SMARCA4: variants seen among roughly 807,000 people sequenced by gnomAD.
SMARCA4 encodes SWI/SNF-related matrix-associated actin-dependent regulator of chromatin subfamily A member 4.
In SMARCA4, 31 loss-of-function variants were observed where a neutral mutation model predicts 193.9. The ratio of observed to expected loss-of-function variants is 0.16; its 90% CI spans 0.12 to 0.22. The LOEUF (loss-of-function observed/expected upper bound fraction) is 0.22, where lower values mean the gene tolerates loss of function less well. Among genes scored for constraint, SMARCA4 ranks in the 10% least tolerant of loss-of-function variants. SMARCA4 has a pLI of 1.00. For synonymous variants in SMARCA4, 942 were observed against 933.1 expected, an observed-to-expected ratio of 1.01 and a Z score of -0.17; for missense variants, 1,148 against 2,296.0, an observed-to-expected ratio of 0.50 and a Z score of 10.22.
At chr19:10,961,712 C>A (rs1454894212) in intron 1 of SMARCA4, 3 of 152,158 alleles carry the variant, frequency 2.0e-5, no homozygotes, top group Non-Finnish European at 4.4e-5. Flanking sequence ...ACGTGTCATT[C>A]CAGATTTTCA....
intron 15 of SMARCA4, chr19:11,012,565 G>A (rs904178240): frequency 6.7e-6 from 2 of 300,088 alleles, no homozygotes; most frequent in South Asian, 7.1e-5. Context: ...AATTCCTCAC[G>A]AAGTCGCCCT....
chr19:10,973,095 C>T lies in SMARCA4; in HGVS notation c.-31-11026C>T, dbSNP rs1402904914. ...CTGCACTCCAGCCTGGGTGACAGAGCCAGAGTCCATCTACAAAAAAAAAAA... is the reference window on the plus strand; with the variant it reads ...CTGCACTCCAGCCTGGGTGACAGAGTCAGAGTCCATCTACAAAAAAAAAAA... On this transcript the variant is annotated intron_variant, in intron 1 of 34. Coordinates refer to ENST00000344626, the MANE Select transcript of SMARCA4 (RefSeq NM_003072.5). 6.6e-5 allele frequency among the ~76,000 whole-genome samples: 10 copies of T among 150,886 alleles called. No homozygotes were observed. The South Asian group carries it at 1.5e-3, about 22-fold the overall frequency.
At chr19:11,027,039 C>CT (rs2090315695) in intron 23 of SMARCA4, among the ~76,000 whole-genome samples, 1 of 152,192 alleles carries the variant, frequency 6.6e-6, no homozygotes, top group Non-Finnish European at 1.5e-5. Context: ...CTTTAAGCCC[C>CT]TAATGGATGT....
chr19:10,997,572 C>T (rs553334777), intron 11 of SMARCA4, among the ~76,000 whole-genome samples: 69 of 152,182 alleles, frequency 4.5e-4, no homozygotes, highest in Non-Finnish European at 7.9e-4. Flanking sequence ...GTGATCCACC[C>T]GCCTTGGCCT....
chr19:11,058,671 G>A lies in SMARCA4; in HGVS notation c.4534-117G>A. The A allele has an allele frequency of 1.1e-6, 1 of 886,744 alleles. No individual in the cohort carries two copies. Among genetic ancestry groups the A allele is most frequent in the South Asian group, 1.4e-5 (1 of 72,772 alleles). 54.9% of individuals were successfully genotyped at this position (886,744 alleles called of 1,614,324 possible). On this transcript the variant is annotated intron_variant, in intron 31 of 34. Coordinates refer to ENST00000344626, the MANE Select transcript of SMARCA4 (RefSeq NM_003072.5). This position sits in a 1 kb window ranked among gnomAD's most constrained non-coding sequence, Gnocchi z 5.8. ...CCAGGTTACCGAGGCTGGCGCTTCG[G>A]CCACATCCTCATAGGCACGAGGAAT...
chr19:10,966,484 T>G (rs1247144634), intron 1 of SMARCA4, among the ~76,000 whole-genome samples: 1 of 151,724 alleles, frequency 6.6e-6, no homozygotes, highest in Admixed American at 6.6e-5. Context: ...CCCAGCTACT[T>G]GGGAGGTTGA....
chr19:11,037,261 T>C (rs928052542), intron 29 of SMARCA4, among the ~76,000 whole-genome samples: 4 of 152,244 alleles, frequency 2.6e-5, no homozygotes, highest in African/African-American at 9.6e-5. Context: ...GCTACGCCAG[T>C]TCACAGTTCC....
At chr19:10,974,237 G>A (rs1392943465) in intron 1 of SMARCA4, among the ~76,000 whole-genome samples, 1 of 152,108 alleles carries the variant, frequency 6.6e-6, no homozygotes, top group Non-Finnish European at 1.5e-5. Flanking sequence ...TAGGGGTGGC[G>A]TGAAAGAAGA....
Position 11,052,567 on chromosome 19 carries a change from C to G in SMARCA4, c.4425-5688C>G, listed in dbSNP as rs2076320949. On this transcript the variant is annotated intron_variant, in intron 30 of 34. Coordinates refer to ENST00000344626, the MANE Select transcript of SMARCA4 (RefSeq NM_003072.5). The stretch of plus-strand genomic sequence containing the variant: ...TCCTCCTGGTAGCCCAGAGGGCGCC[C>G]CTGCCTGCTCACTTCCCAATGTCGG... 1.3e-5 allele frequency among the ~76,000 whole-genome samples: 2 copies of G among 152,244 alleles called. 1 individual carries two copies. Among genetic ancestry groups the G allele is most frequent in the South Asian group, 4.1e-4 (2 of 4,836 alleles).
chr19:10,999,729 T>C (rs1053028605), intron 11 of SMARCA4, among the ~76,000 whole-genome samples: 1 of 152,228 alleles, frequency 6.6e-6, no homozygotes, highest in African/African-American at 2.4e-5. Flanking sequence ...TTAATTTTTA[T>C]CCTTTCCGCC....
intron 16 of SMARCA4, among the ~76,000 whole-genome samples, chr19:11,015,033 T>C (rs573624958): frequency 1.3e-5 from 2 of 152,230 alleles, no homozygotes; most frequent in East Asian, 1.9e-4. Context: ...TAGGCTGGTC[T>C]TGAACTCCTG....
At chr19:11,046,264 A>G (rs2075911144) in intron 30 of SMARCA4, among the ~76,000 whole-genome samples, 1 of 151,968 alleles carries the variant, frequency 6.6e-6, no homozygotes. Context: ...CTTACTGCTA[A>G]GTGACTGCTT....
Position 10,984,037 on chromosome 19 carries a change from T to C in SMARCA4, c.-31-84T>C, listed in dbSNP as rs1281904105. 6.0e-6 allele frequency: 6 copies of C among 1,007,558 alleles called. No homozygotes were observed. The highest frequency in any genetic ancestry group is 9.3e-6 in the Non-Finnish European group (6 of 647,896). 62.4% of individuals were successfully genotyped at this position (1,007,558 alleles called of 1,614,324 possible). On this transcript the variant is annotated intron_variant, in intron 1 of 34. Coordinates refer to ENST00000344626, the MANE Select transcript of SMARCA4 (RefSeq NM_003072.5). The surrounding 1 kb of genome is among the most constrained non-coding windows in gnomAD (Gnocchi z 4.3). Reference sequence around the variant, plus strand: ...GCTTCCTGTGGGATGTAGATTCTGATGTGACCGTATGATTGTCCCTTGCTA... The same window carrying C: ...GCTTCCTGTGGGATGTAGATTCTGACGTGACCGTATGATTGTCCCTTGCTA...
rs766088616 is a variant in SMARCA4, at chr19:11,025,526, G to T, written c.3168+18G>T. On this transcript the variant is annotated intron_variant, in intron 22 of 34. Transcript: ENST00000344626. Reference sequence around the variant, plus strand: ...ACATCGAGGTGAGCCCGCCGCGGCTGGGACGGCTCAGGCCCTGCTGTCTGC... The same window carrying T: ...ACATCGAGGTGAGCCCGCCGCGGCTTGGACGGCTCAGGCCCTGCTGTCTGC... 2 of 1,603,598 alleles carry T rather than the reference G, an allele frequency of 1.2e-6. No homozygotes were observed. The highest frequency in any genetic ancestry group is 4.5e-5 in the East Asian group (2 of 44,834).
intron 1 of SMARCA4, among the ~76,000 whole-genome samples, chr19:10,965,124 C>G (rs2084113378): frequency 6.6e-6 from 1 of 152,128 alleles, no homozygotes; most frequent in South Asian, 2.1e-4. Context: ...TGGAGTTGTG[C>G]AAGAAATGAC....
rs2146679092 is a variant in SMARCA4, at chr19:11,034,173, G to T, written c.3924G>T (p.Arg1308=). Reference sequence around the variant, plus strand: ...AGACCGTCAACCAGATGATCGCCCGGCACGAGGAGGAGTTTGATCTGTTCA... The same window carrying T: ...AGACCGTCAACCAGATGATCGCCCGTCACGAGGAGGAGTTTGATCTGTTCA... ...DDETVNQMIA[R]HEEEFDLFMR... The change falls in exon 28 of 35, where the codon CGG becomes CGT. Residue 1308 remains arginine (R), a synonymous_variant. Coordinates refer to ENST00000344626, the MANE Select transcript of SMARCA4 (RefSeq NM_003072.5). This position sits in a 1 kb window ranked among gnomAD's most constrained non-coding sequence, Gnocchi z 7.0. 1 of 1,613,872 alleles carries T rather than the reference G, an allele frequency of 6.2e-7. No individual in the cohort carries two copies. The highest frequency in any genetic ancestry group is 8.5e-7 in the Non-Finnish European group (1 of 1,179,946).
At chr19:10,969,178 T>G (rs986143547) in intron 1 of SMARCA4, among the ~76,000 whole-genome samples, 11 of 152,242 alleles carry the variant, frequency 7.2e-5, no homozygotes, top group Non-Finnish European at 1.3e-4. Flanking sequence ...AACCAGGGGC[T>G]GAACCCCGGC....
Position 10,961,770 on chromosome 19 carries a change from A to C in SMARCA4, c.-32+596A>C, listed in dbSNP as rs1376103233. 32 of 152,116 alleles carry C rather than the reference A, an allele frequency of 2.1e-4. 1 individual carries two copies. The highest frequency in any genetic ancestry group is 2.1e-3 in the Admixed American group (32 of 15,262). 9.4% of individuals were successfully genotyped at this position (152,116 alleles called of 1,614,324 possible). A position where few individuals can be genotyped will look rare whatever the true frequency, so the allele number is the denominator to read the frequency against. ...GATGCCTTGCAGTTAGTGACTTCAA[A>C]ATGTTTGCCCGAATTGGGGTTGGGG... On this transcript the variant is annotated intron_variant, in intron 1 of 34. Transcript: ENST00000344626.
In SMARCA4 at chr19:11,010,363, C is replaced by T. The variant is rs756940108; in HGVS notation, c.2124-18C>T. ...TAGGAATGTGTGTCCTTACCCGGCA[C>T]CTCCATCTCACTCCCAGGAATGCCA... On this transcript the variant is annotated intron_variant, in intron 14 of 34. Transcript: ENST00000344626. 3 of 1,613,696 alleles carry T rather than the reference C, an allele frequency of 1.9e-6. No homozygotes were observed. The highest frequency in any genetic ancestry group is 2.5e-6 in the Non-Finnish European group (3 of 1,179,910).
Sources: gnomAD v4.1 joint callset for allele counts (sites outside exome capture counted in the v4.1 genomes callset) on GRCh38, gnomAD v4.1.1 for gene constraint, Gnocchi (gnomAD v3.1) non-coding constraint, MANE v1.5 for transcripts, NCBI Gene and HGNC (gene_info 2026-07-23, HGNC 2026-07-21) for gene names.